Variants in DRC5 observed in about 807,000 individuals in gnomAD.
DRC5 encodes dynein regulatory complex subunit 5, also known as T-complex-associated testis-expressed protein 1.
At chr6:44,286,001 G>C in the DRC5 span, 1 of 1,614,070 alleles carries the variant, frequency 6.2e-7, no homozygotes, top group Non-Finnish European at 8.5e-7. Context: ...GGCTGCCAAG[G>C]AGAGGCAGTC....
chr6:44,294,022 GC>G, the DRC5 span, among the ~76,000 whole-genome samples: 7 of 150,240 alleles, frequency 4.7e-5, no homozygotes, highest in Admixed American at 4.6e-4. Context: ...CGCTCTTGTT[GC>G]CCAGGCTGGA....
the DRC5 span, chr6:44,279,757 GT>G: frequency 7.2e-6 from 1 of 138,066 alleles, no homozygotes; most frequent in Non-Finnish European, 1.4e-5. Context: ...GGGTGTGTGT[GT>G]GTGTGTGTGT....
At chr6:44,286,520 A>G in the DRC5 span, 3 of 1,611,524 alleles carry the variant, frequency 1.9e-6, no homozygotes, top group African/African-American at 4.0e-5. Flanking sequence ...CATCTGCTTC[A>G]GGATAGGGTT....
At chr6:44,279,796 T>TGTGTGTGTGTGTGTG in the DRC5 span, 12 of 159,410 alleles carry the variant, frequency 7.5e-5, no homozygotes, top group African/African-American at 1.4e-4. Context: ...TGTGTGTGTG[T>TGTGTGTGTGTGTGTG]TTGAAGATCA....
the DRC5 span, among the ~76,000 whole-genome samples, chr6:44,294,994 T>G: frequency 1.3e-5 from 2 of 151,996 alleles, no homozygotes; most frequent in Admixed American, 1.3e-4. Context: ...CAGGGATGGG[T>G]GGATACCCAA....
chr6:44,294,461 G>C, the DRC5 span, among the ~76,000 whole-genome samples: 1 of 152,048 alleles, frequency 6.6e-6, no homozygotes, highest in South Asian at 2.1e-4. Context: ...AGGGGCAAGG[G>C]AGGCGGGATA....
the DRC5 span, chr6:44,279,612 G>A: frequency 3.4e-3 from 514 of 152,606 alleles, no homozygotes; most frequent in Non-Finnish European, 6.3e-3. Flanking sequence ...CCCTTCCCAG[G>A]TTGGGAGTTG....
the DRC5 span, among the ~76,000 whole-genome samples, chr6:44,283,901 A>G: frequency 6.6e-6 from 1 of 152,138 alleles, no homozygotes; most frequent in Non-Finnish European, 1.5e-5. Context: ...CTTCTCAGTC[A>G]TTGAATGGGA....
chr6:44,287,779 G>T, the DRC5 span: 12 of 1,614,094 alleles, frequency 7.4e-6, no homozygotes, highest in Non-Finnish European at 1.0e-5. Flanking sequence ...GGAGACTGAG[G>T]AGTGGCTGGG....
At chr6:44,282,187 C>T in the DRC5 span, 11 of 1,614,054 alleles carry the variant, frequency 6.8e-6, no homozygotes, top group East Asian at 4.5e-5. Flanking sequence ...AGGAGTGTGG[C>T]GGTGGGCTCA....
At chr6:44,286,133 TC>T in the DRC5 span, 1 of 1,614,016 alleles carries the variant, frequency 6.2e-7, no homozygotes, top group Non-Finnish European at 8.5e-7. Flanking sequence ...TTGGTAGTGG[TC>T]AACGGTGGGC....
At chr6:44,287,073 G>T in the DRC5 span, 1 of 443,440 alleles carries the variant, frequency 2.3e-6, no homozygotes, top group Non-Finnish European at 3.0e-6. Flanking sequence ...TGCTGTAGAT[G>T]AAATAATGGC....
the DRC5 span, chr6:44,287,614 C>G: frequency 1.9e-6 from 3 of 1,614,146 alleles, no homozygotes; most frequent in Non-Finnish European, 2.5e-6. Context: ...GGCCAGTGAC[C>G]ACTCAGGATC....
At chr6:44,287,948 T>C in the DRC5 span, 1 of 1,315,634 alleles carries the variant, frequency 7.6e-7, no homozygotes, top group Non-Finnish European at 1.0e-6. Context: ...GTAGAGGTGT[T>C]ACTTTGGTGG....
chr6:44,280,194 T>A, the DRC5 span: 1 of 1,613,942 alleles, frequency 6.2e-7, no homozygotes, highest in Non-Finnish European at 8.5e-7. Context: ...TCCCACAGAG[T>A]TCTCAGGGCC....
chr6:44,294,439 CA>C, the DRC5 span, among the ~76,000 whole-genome samples: 1 of 151,840 alleles, frequency 6.6e-6, no homozygotes, highest in Non-Finnish European at 1.5e-5. Context: ...ATACAAAAAG[CA>C]AAGTTAGAAA....
At chr6:44,279,895 C>T in the DRC5 span, 22 of 326,654 alleles carry the variant, frequency 6.7e-5, no homozygotes, top group Non-Finnish European at 1.1e-4. Context: ...GTCCCTCAGA[C>T]ACCTCTCTGA....
At chr6:44,280,232 G>A in the DRC5 span, 1 of 1,614,234 alleles carries the variant, frequency 6.2e-7, no homozygotes, top group Non-Finnish European at 8.5e-7. Context: ...ACATGAAGTG[G>A]CTGGGATTCA....
the DRC5 span, among the ~76,000 whole-genome samples, chr6:44,296,730 C>T: frequency 6.6e-6 from 1 of 152,238 alleles, no homozygotes; most frequent in African/African-American, 2.4e-5. Context: ...TTTGCACCCA[C>T]TGCTCTGACT....
Sources: gnomAD v4.1 joint callset for allele counts (sites outside exome capture counted in the v4.1 genomes callset) on GRCh38, gnomAD v4.1.1 for gene constraint, MANE v1.5 for transcripts, NCBI Gene and HGNC (gene_info 2026-07-23, HGNC 2026-07-21) for gene names.